AOAH: variants seen among roughly 807,000 people sequenced by gnomAD.
AOAH encodes acyloxyacyl hydrolase (neutrophil).
AOAH carries 64 observed loss-of-function variants against 92.2 expected under a neutral mutation model. The ratio of observed to expected loss-of-function variants is 0.69; its 90% confidence interval spans 0.57 to 0.86. The LOEUF (loss-of-function observed/expected upper bound fraction) is 0.86, where lower values mean the gene tolerates loss of function less well. AOAH is among the 40% of genes least tolerant of loss of function. The pLI is 0.00. For missense variants in AOAH, 656 were observed against 694.6 expected, an observed-to-expected ratio of 0.94 and a Z score of 0.62; for synonymous variants, 263 against 254.5, an observed-to-expected ratio of 1.03 and a Z score of -0.32.
At chr7:36,709,397 T>C (rs1798623315) in intron 1 of AOAH, among the ~76,000 whole-genome samples, 1 of 152,166 alleles carries the variant, frequency 6.6e-6, no homozygotes, top group Non-Finnish European at 1.5e-5. Context: ...GGCCACAGTA[T>C]AGTTGCTTTT....
At chr7:36,712,039 C>T (rs1798801144) in intron 1 of AOAH, among the ~76,000 whole-genome samples, 2 of 152,178 alleles carry the variant, frequency 1.3e-5, no homozygotes, top group South Asian at 4.1e-4. Context: ...CTGCTATCAG[C>T]AGAAACAGTG....
At chr7:36,659,372 C>CA in intron 3 of AOAH, 107 bp from the exon 4 acceptor site, 1 of 875,424 alleles carries the variant, frequency 1.1e-6, no homozygotes, top group South Asian at 1.5e-5. Flanking sequence ...CTAATACCCT[C>CA]AACTCCTTGC....
intron 13 of AOAH, among the ~76,000 whole-genome samples, chr7:36,552,679 T>C (rs139151921): frequency 2.2e-3 from 331 of 152,320 alleles, no homozygotes; most frequent in Non-Finnish European, 3.0e-3. Context: ...CTTGACTTTT[T>C]AATAATCGCT....
At chr7:36,621,863 G>A (rs1409563655) in intron 7 of AOAH, 83 bp from the exon 8 acceptor site, 19 of 1,174,218 alleles carry the variant, frequency 1.6e-5, no homozygotes, top group Non-Finnish European at 2.4e-5. Flanking sequence ...TTGTCTGAAT[G>A]GCATTGACAT....
chr7:36,623,182 A>G lies in AOAH; in HGVS notation c.582+8T>C, dbSNP rs926437530. Reference sequence around the variant, plus strand: ...AGTGAACATCTGGTTATTCCTAACAATACTTACTGGGAAAACGCTGTATTT... The same window carrying G: ...AGTGAACATCTGGTTATTCCTAACAGTACTTACTGGGAAAACGCTGTATTT... On this transcript the variant is annotated splice_region_variant and intron_variant, in intron 7 of 20. Transcript: ENST00000617537. The G allele has an allele frequency of 6.8e-6, 11 of 1,612,186 alleles. No homozygotes were observed. Among genetic ancestry groups the G allele is most frequent in the East Asian group, 2.2e-5 (1 of 44,878 alleles).
intron 4 of AOAH, among the ~76,000 whole-genome samples, chr7:36,646,038 C>G (rs1794202208): frequency 6.6e-6 from 1 of 152,126 alleles, no homozygotes; most frequent in Non-Finnish European, 1.5e-5. Flanking sequence ...TTATTCCCAC[C>G]AACTCCTTTT....
At chr7:36,721,019 C>T (rs80261862) in intron 1 of AOAH, among the ~76,000 whole-genome samples, 12,043 of 152,208 alleles carry the variant, frequency 0.079, 743 homozygotes, top group South Asian at 0.13. Context: ...TGCGAGAGAG[C>T]GGACCTCACT....
intron 4 of AOAH, among the ~76,000 whole-genome samples, chr7:36,650,742 T>C (rs1013116220): frequency 6.6e-5 from 10 of 152,242 alleles, no homozygotes; most frequent in Admixed American, 5.9e-4. Context: ...TGTTCAGGAC[T>C]GCCGTTCTCA....
intron 15 of AOAH, among the ~76,000 whole-genome samples, chr7:36,543,292 G>A (rs2116230903): frequency 6.6e-6 from 1 of 152,320 alleles, no homozygotes; most frequent in Non-Finnish European, 1.5e-5. Flanking sequence ...ATGCACAGAA[G>A]CAGCACTGAA....
At chr7:36,680,204 G>A (rs772050862) in intron 2 of AOAH, among the ~76,000 whole-genome samples, 2 of 152,166 alleles carry the variant, frequency 1.3e-5, no homozygotes, top group East Asian at 1.9e-4. Context: ...TAACAATTCC[G>A]AGATTCTTCC....
intron 11 of AOAH, among the ~76,000 whole-genome samples, chr7:36,611,715 T>C (rs1791471085): frequency 6.6e-6 from 1 of 152,150 alleles, no homozygotes; most frequent in African/African-American, 2.4e-5. Context: ...AGTACAAGGA[T>C]TTCAGGCAAC....
In AOAH at chr7:36,679,436, A is replaced by G. The variant is rs765129945; in HGVS notation, c.224-5427T>C. Among the ~76,000 whole-genome samples, 35 of 151,584 alleles carry G rather than the reference A, an allele frequency of 2.3e-4. 1 individual carries two copies. The highest frequency in any genetic ancestry group is 5.3e-4 in the Admixed American group (8 of 15,236). ...AAGATCACAACATAGCAAGTGGTTC[A>G]GCTGAGATTAAAATACTCCAAAAGG... On this transcript the variant is annotated intron_variant, in intron 2 of 20. Transcript: ENST00000617537.
chr7:36,581,992 G>T (rs1294666485), intron 12 of AOAH, among the ~76,000 whole-genome samples: 1 of 152,098 alleles, frequency 6.6e-6, no homozygotes, highest in Non-Finnish European at 1.5e-5. Context: ...ATAATATTTT[G>T]ATATGCCTGC....
intron 13 of AOAH, among the ~76,000 whole-genome samples, chr7:36,570,222 G>A (rs1414509750): frequency 2.6e-5 from 4 of 152,110 alleles, no homozygotes; most frequent in African/African-American, 9.7e-5. Flanking sequence ...GCTTCTGTGA[G>A]TTTGACTACT....
At chr7:36,637,415 C>T (rs946083405) in intron 5 of AOAH, among the ~76,000 whole-genome samples, 3 of 152,150 alleles carry the variant, frequency 2.0e-5, no homozygotes, top group African/African-American at 7.2e-5. Flanking sequence ...GAGGATACAG[C>T]CTCCTCCAAG....
chr7:36,583,627 C>G (rs1176164390), intron 12 of AOAH, among the ~76,000 whole-genome samples: 1 of 152,074 alleles, frequency 6.6e-6, no homozygotes, highest in African/African-American at 2.4e-5. Flanking sequence ...AGTTCACATA[C>G]AAAAAGATTA....
intron 12 of AOAH, among the ~76,000 whole-genome samples, chr7:36,593,108 G>A (rs891955491): frequency 2.0e-5 from 3 of 152,112 alleles, no homozygotes; most frequent in African/African-American, 4.8e-5. Context: ...TCGGAGCCCC[G>A]TGGCTCTGTA....
chr7:36,565,757 C>G (rs961374737), intron 13 of AOAH, among the ~76,000 whole-genome samples: 4 of 151,628 alleles, frequency 2.6e-5, no homozygotes, highest in Non-Finnish European at 5.9e-5. Flanking sequence ...GCAGACTTGT[C>G]TTGAACTCCT....
intron 5 of AOAH, among the ~76,000 whole-genome samples, chr7:36,633,222 T>G (rs1403932101): frequency 6.6e-6 from 1 of 152,190 alleles, no homozygotes; most frequent in Non-Finnish European, 1.5e-5. Flanking sequence ...ATCCTTGCCT[T>G]CCACATCCCC....
Sources: allele counts gnomAD v4.1 joint callset (sites outside exome capture counted in the v4.1 genomes callset), GRCh38; gene constraint gnomAD v4.1.1; transcripts MANE v1.5; gene names NCBI Gene and HGNC (gene_info 2026-07-23, HGNC 2026-07-21).